Variants in STIMATE observed in about 807,000 individuals in gnomAD.
The protein encoded by STIMATE is store-operated calcium entry regulator STIMATE.
In STIMATE, 15 loss-of-function variants were observed where a neutral mutation model predicts 36.7. That is an observed-to-expected ratio of 0.41 (90% CI 0.27 to 0.63). The LOEUF is 0.63. Among genes scored for constraint, STIMATE ranks in the 20% least tolerant of loss-of-function variants. STIMATE has a pLI of 0.32. For synonymous variants in STIMATE, 163 were observed against 162.3 expected (o/e 1.00, Z -0.03); for missense variants, 305 against 397.3 (o/e 0.77, Z 1.98).
chr3:52,840,340 A>G lies in STIMATE; in HGVS notation c.*154T>C. On this transcript the variant is annotated 3_prime_UTR_variant, in exon 8 of 8. Coordinates refer to ENST00000355083, the MANE Select transcript of STIMATE (RefSeq NM_198563.5). ...CTCCTCTTCCCTCTTTTTAAGTCAC[A>G]GTAGTCTGGGGGCAGGCGAGAGCGG... 1.2e-6 allele frequency: 1 copy of G among 866,576 alleles called. No homozygotes were observed. The highest frequency in any genetic ancestry group is 1.9e-5 in the South Asian group (1 of 53,492). 53.7% of individuals were successfully genotyped at this position (866,576 alleles called of 1,614,324 possible).
rs920935720 is a variant in STIMATE at position 52,838,435 on chromosome 3, G to C, written c.*2059C>G. The C allele has an allele frequency of 6.6e-6, 1 of 152,218 alleles. No individual in the cohort carries two copies. Among genetic ancestry groups the C allele is most frequent in the Non-Finnish European group, 1.5e-5 (1 of 68,060 alleles). The allele number at this position is 152,218 out of a possible 1,614,324, so 9.4% of individuals were successfully genotyped here. On this transcript the variant is annotated 3_prime_UTR_variant, in exon 8 of 8. Transcript: ENST00000355083. Reference sequence around the variant, plus strand: ...AAATGAAACAGGAGGGGAGGAATTAGAACTGAGTCAGTGATGCCATGAGGG... The same window carrying C: ...AAATGAAACAGGAGGGGAGGAATTACAACTGAGTCAGTGATGCCATGAGGG...
intron 1 of STIMATE, among the ~76,000 whole-genome samples, chr3:52,894,437 G>A (rs1328776609): frequency 6.6e-6 from 1 of 152,106 alleles, no homozygotes; most frequent in Non-Finnish European, 1.5e-5. Context: ...ACATAGTAAG[G>A]CAAGAAGTCT....
At chr3:52,881,593 T>C (rs551803050) in intron 1 of STIMATE, among the ~76,000 whole-genome samples, 5 of 152,076 alleles carry the variant, frequency 3.3e-5, no homozygotes, top group Admixed American at 1.3e-4. Context: ...TCCCAGCTAC[T>C]TGGGAGGCTG....
At chr3:52,878,894 T>C (rs1334955439) in intron 1 of STIMATE, among the ~76,000 whole-genome samples, 1 of 152,198 alleles carries the variant, frequency 6.6e-6, no homozygotes, top group African/African-American at 2.4e-5. Context: ...GCATGGCAGA[T>C]GAGCAGTCTA....
chr3:52,843,614 A>G (rs1700845155), intron 6 of STIMATE, 107 bp downstream of exon 6: 7 of 1,476,166 alleles, frequency 4.7e-6, no homozygotes, highest in Non-Finnish European at 6.4e-6. Flanking sequence ...TGGTCACGCA[A>G]AAAGACCTGA....
At chr3:52,848,297 CA>C (rs1700941546) in intron 4 of STIMATE, 1 of 152,282 alleles carries the variant, frequency 6.6e-6, no homozygotes, top group Admixed American at 6.5e-5. Context: ...TGGGATGACC[CA>C]GGGGCAGGGG....
At chr3:52,854,201 G>C (rs1221538180) in intron 2 of STIMATE, among the ~76,000 whole-genome samples, 3 of 152,170 alleles carry the variant, frequency 2.0e-5, no homozygotes, top group Admixed American at 2.0e-4. Context: ...CTCTGGCCTT[G>C]GTCCTGATAC....
chr3:52,859,531 A>AAAAAT (rs748928249), intron 1 of STIMATE, among the ~76,000 whole-genome samples: 5 of 18,824 alleles, frequency 2.7e-4, no homozygotes, highest in East Asian at 2.6e-3. Context: ...AAAAAAAAAA[A>AAAAAT]TTTTTTTTTT....
intron 4 of STIMATE, among the ~76,000 whole-genome samples, chr3:52,847,708 A>T (rs1359506817): frequency 6.6e-6 from 1 of 152,174 alleles, no homozygotes; most frequent in Non-Finnish European, 1.5e-5. Context: ...AAATCCCTGG[A>T]ACCTGTGAGT....
At chr3:52,879,511 T>G (rs1211768407) in intron 1 of STIMATE, among the ~76,000 whole-genome samples, 1 of 152,008 alleles carries the variant, frequency 6.6e-6, no homozygotes, top group Non-Finnish European at 1.5e-5. Flanking sequence ...GAAGAACAAG[T>G]GATACACGAG....
chr3:52,878,963 T>C (rs549987208), intron 1 of STIMATE, among the ~76,000 whole-genome samples: 1 of 152,326 alleles, frequency 6.6e-6, no homozygotes, highest in East Asian at 1.9e-4. Flanking sequence ...CCACTGACTT[T>C]GTGAGGGTGT....
At chr3:52,861,381 A>G (rs1027837073) in intron 1 of STIMATE, among the ~76,000 whole-genome samples, 5 of 152,190 alleles carry the variant, frequency 3.3e-5, no homozygotes, top group Non-Finnish European at 5.9e-5. Context: ...CAGGCTCCTA[A>G]GCAGACTCGC....
At chr3:52,857,593 GGCGAT>G (rs1337148370) in intron 1 of STIMATE, among the ~76,000 whole-genome samples, 1 of 152,114 alleles carries the variant, frequency 6.6e-6, no homozygotes, top group Non-Finnish European at 1.5e-5. Context: ...CTTGTTCCTA[GGCGAT>G]GCATGCTGAA....
At chr3:52,847,189 G>A in intron 4 of STIMATE, 1 of 1,046,412 alleles carries the variant, frequency 9.6e-7, no homozygotes, top group South Asian at 2.9e-5. Flanking sequence ...GGGAATGACA[G>A]GTGTGAGCCA....
At chr3:52,878,050 C>A (rs961342943) in intron 1 of STIMATE, among the ~76,000 whole-genome samples, 1 of 149,980 alleles carries the variant, frequency 6.7e-6, no homozygotes, top group Non-Finnish European at 1.5e-5. Flanking sequence ...GCTGAGATCG[C>A]GCCACTGCAC....
chr3:52,894,375 G>A (rs949471676), intron 1 of STIMATE, among the ~76,000 whole-genome samples: 1 of 152,154 alleles, frequency 6.6e-6, no homozygotes, highest in African/African-American at 2.4e-5. Context: ...TACCATGTAT[G>A]ACCTGGCATA....
intron 1 of STIMATE, among the ~76,000 whole-genome samples, chr3:52,889,505 A>G (rs1701747292): frequency 6.6e-6 from 1 of 152,164 alleles, no homozygotes; most frequent in Non-Finnish European, 1.5e-5. Context: ...GCCTAGCTCT[A>G]CCACTTACTG....
At chr3:52,855,881 A>T (rs1243430496) in intron 1 of STIMATE, among the ~76,000 whole-genome samples, 1 of 152,200 alleles carries the variant, frequency 6.6e-6, no homozygotes, top group African/African-American at 2.4e-5. Context: ...TTGTCTTGCA[A>T]CCAGGGGGCT....
intron 1 of STIMATE, among the ~76,000 whole-genome samples, chr3:52,880,469 GT>G (rs1268076013): frequency 6.6e-6 from 1 of 152,210 alleles, no homozygotes; most frequent in Non-Finnish European, 1.5e-5. Flanking sequence ...AACCAGGAGA[GT>G]GGTGACTGAG....
Sources: gnomAD v4.1 joint callset for allele counts (sites outside exome capture counted in the v4.1 genomes callset) on GRCh38, gnomAD v4.1.1 for gene constraint, MANE v1.5 for transcripts, NCBI Gene and HGNC (gene_info 2026-07-23, HGNC 2026-07-21) for gene names.